Variants in PDE1A observed in about 807,000 individuals in gnomAD.
PDE1A encodes dual specificity calcium/calmodulin-dependent 3',5'-cyclic nucleotide phosphodiesterase 1A.
Under a neutral mutation model 61.7 loss-of-function variants are expected in PDE1A, and 35 were observed. That is an observed-to-expected ratio of 0.57 (90% CI 0.43 to 0.75). The LOEUF is 0.75. PDE1A is among the 30% of genes least tolerant of loss of function. PDE1A has a pLI of 0.00. For synonymous variants in PDE1A, 232 were observed against 213.2 expected, an observed-to-expected ratio of 1.09 and a Z score of -0.77; for missense variants, 597 against 630.6, an observed-to-expected ratio of 0.95 and a Z score of 0.57.
chr2:182,604,748 T>G, the PDE1A span, among the ~76,000 whole-genome samples: 3 of 152,212 alleles, frequency 2.0e-5, no homozygotes, highest in African/African-American at 7.2e-5. Flanking sequence ...CTGGTAAGAA[T>G]TCACAGCATT....
At chr2:182,420,553 T>G (rs1703213752) in intron 1 of PDE1A, among the ~76,000 whole-genome samples, 1 of 152,190 alleles carries the variant, frequency 6.6e-6, no homozygotes, top group African/African-American at 2.4e-5. Context: ...GTTTTCATAA[T>G]AAAAGCACAT....
intron 13 of PDE1A, among the ~76,000 whole-genome samples, chr2:182,172,023 A>T (rs1692267512): frequency 6.6e-6 from 1 of 152,144 alleles, no homozygotes; most frequent in East Asian, 1.9e-4. Context: ...GGTTTGAGGT[A>T]TCAGAAAGCA....
At chr2:182,397,413 G>T (rs1051103579) in intron 1 of PDE1A, among the ~76,000 whole-genome samples, 2 of 152,024 alleles carry the variant, frequency 1.3e-5, no homozygotes, top group African/African-American at 4.8e-5. Flanking sequence ...TATGACACAT[G>T]ATTTCAGAGA....
chr2:182,478,437 C>T (rs1216033678), intron 2 of PDE1A, among the ~76,000 whole-genome samples: 1 of 151,800 alleles, frequency 6.6e-6, no homozygotes, highest in Non-Finnish European at 1.5e-5. Flanking sequence ...CTCAGTAGGA[C>T]AAGGTGCTTT....
At chr2:182,625,885 G>T in the PDE1A span, among the ~76,000 whole-genome samples, 7 of 152,106 alleles carry the variant, frequency 4.6e-5, no homozygotes, top group African/African-American at 1.4e-4. Context: ...CATAACACTG[G>T]CATCTACTGT....
At position 182,151,808 on chromosome 2, in the gene PDE1A, G is replaced by A. The variant is rs191328390; in HGVS notation, c.1517-4656C>T. On this transcript the variant is annotated intron_variant, in intron 13 of 13. Transcript: ENST00000409365. ...ATATAAAAAACAAAATGATTTAATA[G>A]CTTATTTTGCACTCGTTATTTTTGA... Among the ~76,000 whole-genome samples, 96 of 152,158 alleles carry A rather than the reference G, an allele frequency of 6.3e-4. 1 individual carries two copies. Among genetic ancestry groups the A allele is most frequent in the African/African-American group, 2.2e-3 (90 of 41,504 alleles).
At chr2:182,646,391 C>CAAA in the PDE1A span, among the ~76,000 whole-genome samples, 19 of 107,244 alleles carry the variant, frequency 1.8e-4, 1 homozygote, top group South Asian at 3.2e-3. Context: ...GGTGAAGGTT[C>CAAA]AAAAAAAAAA....
intron 1 of PDE1A, among the ~76,000 whole-genome samples, chr2:182,269,521 A>T (rs1016547780): frequency 1.3e-5 from 2 of 151,922 alleles, no homozygotes; most frequent in Non-Finnish European, 2.9e-5. Flanking sequence ...AATAAAAAAT[A>T]AAAAAATTAA....
chr2:182,449,807 A>G (rs1685392468), intron 2 of PDE1A, among the ~76,000 whole-genome samples: 1 of 152,074 alleles, frequency 6.6e-6, no homozygotes, highest in Admixed American at 6.6e-5. Context: ...TCTCACCTTC[A>G]TATTACTAAA....
At chr2:182,264,365 C>T (rs146808624) in exon 2 of PDE1A, 6 of 1,613,582 alleles carry the variant, frequency 3.7e-6, no homozygotes, top group Middle Eastern at 3.3e-4. Flanking sequence ...TTCTTTAAGT[C>T]GACGACGTTA....
chr2:182,373,748 C>T (rs960563197), intron 1 of PDE1A, among the ~76,000 whole-genome samples: 1 of 151,928 alleles, frequency 6.6e-6, no homozygotes, highest in Non-Finnish European at 1.5e-5. Context: ...TTCACATGAG[C>T]TTGTTTAAAG....
intron 10 of PDE1A, among the ~76,000 whole-genome samples, chr2:182,197,954 T>C (rs1686274293): frequency 2.0e-5 from 3 of 151,974 alleles, no homozygotes; most frequent in African/African-American, 7.2e-5. Flanking sequence ...CCTGTTACAA[T>C]TTCTGATAAA....
At chr2:182,561,919 T>C in the PDE1A span, among the ~76,000 whole-genome samples, 1 of 152,160 alleles carries the variant, frequency 6.6e-6, no homozygotes, top group Non-Finnish European at 1.5e-5. Flanking sequence ...ATCCTGAGAC[T>C]TTGCTGAAGT....
intron 10 of PDE1A, among the ~76,000 whole-genome samples, chr2:182,199,465 G>A (rs185485409): frequency 4.0e-5 from 6 of 151,746 alleles, no homozygotes; most frequent in African/African-American, 1.4e-4. Context: ...TTTCCCCTAA[G>A]CACTGCTTCA....
At chr2:182,361,334 G>C (rs1462695189) in intron 1 of PDE1A, among the ~76,000 whole-genome samples, 1 of 152,070 alleles carries the variant, frequency 6.6e-6, no homozygotes, top group East Asian at 1.9e-4. Context: ...GGCAAAAAAT[G>C]TGATCTCTAA....
At chr2:182,547,516 T>C in the PDE1A span, among the ~76,000 whole-genome samples, 1 of 152,342 alleles carries the variant, frequency 6.6e-6, no homozygotes, top group East Asian at 1.9e-4. Flanking sequence ...GTGTAAGTTG[T>C]TTTTATTAAT....
intron 1 of PDE1A, among the ~76,000 whole-genome samples, chr2:182,374,719 T>C (rs1700298270): frequency 6.6e-6 from 1 of 152,182 alleles, no homozygotes; most frequent in Non-Finnish European, 1.5e-5. Flanking sequence ...CATAAAAAGA[T>C]GTTCAATATC....
At chr2:182,493,061 A>G (rs1290250054) in intron 2 of PDE1A, among the ~76,000 whole-genome samples, 1 of 152,094 alleles carries the variant, frequency 6.6e-6, no homozygotes, top group East Asian at 1.9e-4. Context: ...CTCTGTGCTT[A>G]CATCATCCTA....
At chr2:182,196,707 TGG>T (rs2125447360) in intron 10 of PDE1A, among the ~76,000 whole-genome samples, 1 of 151,166 alleles carries the variant, frequency 6.6e-6, no homozygotes, top group South Asian at 2.1e-4. Flanking sequence ...TCATATAAAT[TGG>T]TTTATAGTAT....
Sources: allele counts gnomAD v4.1 joint callset (sites outside exome capture counted in the v4.1 genomes callset), GRCh38; gene constraint gnomAD v4.1.1; transcripts MANE v1.5; gene names NCBI Gene and HGNC (gene_info 2026-07-23, HGNC 2026-07-21).